Variants in ECH1 observed in about 807,000 individuals in gnomAD.
The protein encoded by ECH1 is enoyl-CoA hydratase 1.
In ECH1, 30 loss-of-function variants were observed where a neutral mutation model predicts 37.0. The ratio of observed to expected loss-of-function variants is 0.81; its 90% CI spans 0.61 to 1.10. The LOEUF is 1.10. ECH1 is among the 50% of genes least tolerant of loss of function. ECH1 has a pLI of 0.00. For synonymous variants in ECH1, 178 were observed against 176.0 expected (o/e 1.01, Z -0.09); for missense variants, 456 against 441.6 (o/e 1.03, Z -0.29).
At chr19:38,822,324 C>A (rs1971675689) in intron 3 of ECH1, among the ~76,000 whole-genome samples, 1 of 151,794 alleles carries the variant, frequency 6.6e-6, no homozygotes, top group Admixed American at 6.6e-5. Context: ...CACTCTGTAT[C>A]TAGCTAATCT....
At chr19:38,816,145 C>G in intron 8 of ECH1, 138 bp from the exon 9 acceptor site, 1 of 1,467,138 alleles carries the variant, frequency 6.8e-7, no homozygotes, top group Non-Finnish European at 9.2e-7. Flanking sequence ...GGGGGCTGAC[C>G]CCACAATAAA....
chr19:38,817,528 C>T lies in ECH1; in HGVS notation c.397G>A (p.Asp133Asn). ...TACCAGCTGATCCGGGCCACATCAT[C>T]TCCTTTGGGCTGCAGGATGTCCGAA... ...MASDILQPKG[D>N]DVARISWYLR... Residue 133 changes from aspartate (D) to asparagine (N), a missense_variant, in exon 4 of 10, where the codon GAT becomes AAT. Transcript: ENST00000221418. 6.2e-7 allele frequency: 1 copy of T among 1,612,518 alleles called. No individual in the cohort carries two copies. Among genetic ancestry groups the T allele is most frequent in the Non-Finnish European group, 8.5e-7 (1 of 1,178,688 alleles).
Position 38,815,950 on chromosome 19 carries a change from C to G in ECH1, c.789G>C (p.Glu263Asp), listed in dbSNP as rs1381171472. 1 of 1,614,152 alleles carries G rather than the reference C, an allele frequency of 6.2e-7. No homozygotes were observed. The highest frequency in any genetic ancestry group is 1.1e-5 in the South Asian group (1 of 91,080). The change falls in exon 9 of 10, where the codon GAG (glutamate) becomes GAC (aspartate). Residue 263 changes from glutamate (E) to aspartate (D), a missense_variant. Glu to Asp is a conservative substitution (Grantham distance 45). Transcript: ENST00000221418. ...MLDAALALAAEISSKSPVAVQ... is the reference protein window; with the variant it reads ...MLDAALALAADISSKSPVAVQ... Reference sequence around the variant, plus strand: ...CCGCCACGGGGCTCTTGCTGGAAATCTCGGCCGCCAGCGCTAAGGCAGCAT... The same window carrying G: ...CCGCCACGGGGCTCTTGCTGGAAATGTCGGCCGCCAGCGCTAAGGCAGCAT...
At chr19:38,825,180 T>C (rs1205809673) in intron 3 of ECH1, among the ~76,000 whole-genome samples, 2 of 152,212 alleles carry the variant, frequency 1.3e-5, no homozygotes, top group Non-Finnish European at 2.9e-5. Flanking sequence ...AATGATAGAA[T>C]GACACCTGAA....
chr19:38,819,377 C>A, intron 3 of ECH1: 1 of 281,268 alleles, frequency 3.6e-6, no homozygotes, highest in Non-Finnish European at 5.4e-6. Flanking sequence ...CCTCCCTGGC[C>A]AACCTGGCTC....
rs1424961160 is a variant in ECH1, at chr19:38,816,024, C to G, written c.732-17G>C. ...AACACCCGGCTGCAGTGAAAGAGAT[C>G]AGGGACCGGGTGGGCTGGGAAGGGC... On this transcript the variant is annotated splice_polypyrimidine_tract_variant and intron_variant, in intron 8 of 9. Coordinates refer to ENST00000221418, the MANE Select transcript of ECH1 (RefSeq NM_001398.3). The G allele has an allele frequency of 1.2e-6, 2 of 1,611,768 alleles. No homozygotes were observed. Among genetic ancestry groups the G allele is most frequent in the East Asian group, 2.2e-5 (1 of 44,872 alleles).
chr19:38,822,699 C>T (rs953644534), intron 3 of ECH1, among the ~76,000 whole-genome samples: 17 of 152,100 alleles, frequency 1.1e-4, no homozygotes, highest in East Asian at 1.9e-4. Context: ...GGATTGTAAA[C>T]GCACCAGTCA....
chr19:38,831,444 GCCT>G lies in ECH1; in HGVS notation c.122_124del (p.Glu41del), dbSNP rs769310083. 6.9e-5 allele frequency: 111 copies of G among 1,613,998 alleles called. No individual in the cohort carries two copies. Among genetic ancestry groups the G allele is most frequent in the South Asian group, 6.8e-4 (62 of 91,080 alleles). ...GGCTTCACCGAGGGCTACTCCGGAA[GCCT>G]CCTCTTGTGCAGAGGAGCCAGTGAG... On this transcript the variant is annotated inframe_deletion, in exon 2 of 10. Transcript: ENST00000221418.
At position 38,816,488 on chromosome 19, in the gene ECH1, T is replaced by A. The variant is rs1971578870; in HGVS notation, c.624A>T (p.Thr208=). 1 of 1,614,002 alleles carries A rather than the reference T, an allele frequency of 6.2e-7. No homozygotes were observed. Among genetic ancestry groups the A allele is most frequent in the Admixed American group, 1.7e-5 (1 of 60,006 alleles). Reference sequence around the variant, plus strand: ...CGATGACCTTGGGCAGGCGCTGCAGTGTTCCTACATCGGCAGCCAAACCCA... The same window carrying A: ...CGATGACCTTGGGCAGGCGCTGCAGAGTTCCTACATCGGCAGCCAAACCCA... ...VDVGLAADVG[T]LQRLPKVIGN... Residue 208 remains threonine (T), a synonymous_variant, in exon 7 of 10, where the codon ACA becomes ACT. Coordinates refer to ENST00000221418, the MANE Select transcript of ECH1 (RefSeq NM_001398.3).
intron 3 of ECH1, among the ~76,000 whole-genome samples, chr19:38,818,901 C>CCG (rs1555721639): frequency 7.5e-6 from 1 of 133,510 alleles, no homozygotes; most frequent in Non-Finnish European, 1.6e-5. Context: ...GCCTCCAACT[C>CCG]TGTGTGTGTG....
intron 3 of ECH1, chr19:38,819,315 T>C (rs1279452806): frequency 4.0e-6 from 3 of 747,088 alleles, no homozygotes; most frequent in Middle Eastern, 7.0e-4. Context: ...AGCCACAGAC[T>C]GACTCCTTCA....
At chr19:38,820,369 AC>A (rs1971645569) in intron 3 of ECH1, 1 of 152,062 alleles carries the variant, frequency 6.6e-6, no homozygotes, top group African/African-American at 2.4e-5. Flanking sequence ...AATCCCCCTT[AC>A]TTTTAACCAG....
rs144583672 is a variant in ECH1 at position 38,825,501 on chromosome 19, T to C, written c.349+5577A>G. 3.4e-3 allele frequency among the ~76,000 whole-genome samples: 518 copies of C among 152,292 alleles called. 3 individuals carry two copies. The highest frequency in any genetic ancestry group is 0.012 in the African/African-American group (479 of 41,558). ...AGTTTATTATCCAATCAGCCGCAGATATCAGGAGAAAGCTCCAAAAGCAAG... is the reference window on the plus strand; with the variant it reads ...AGTTTATTATCCAATCAGCCGCAGACATCAGGAGAAAGCTCCAAAAGCAAG... On this transcript the variant is annotated intron_variant, in intron 3 of 9. Coordinates refer to ENST00000221418, the MANE Select transcript of ECH1 (RefSeq NM_001398.3).
Position 38,816,063 on chromosome 19 carries a change from C to T in ECH1, c.732-56G>A, listed in dbSNP as rs1971570969. 30 of 1,602,614 alleles carry T rather than the reference C, an allele frequency of 1.9e-5. No individual in the cohort carries two copies. The South Asian group carries it at 3.3e-4, about 18-fold the overall frequency. On this transcript the variant is annotated intron_variant, in intron 8 of 9. Transcript: ENST00000221418. ...GCTGGGAAGGGCTCTCTCCTCCAGC[C>T]TCCCGCAGATGAAGAAGTGGCCACT...
Position 38,815,702 on chromosome 19 carries a change from T to C in ECH1, c.898A>G (p.Ser300Gly). ...ACGAGGTCTTGGGTCTGCAGCATGC[T>C]CATGTTCCAGGACGCCTGGTACCGA... ...SLNYVASWNMSMLQTQDLVKS... is the reference protein window; with the variant it reads ...SLNYVASWNMGMLQTQDLVKS... The change falls in exon 10 of 10, where the codon AGC (serine) becomes GGC (glycine). Residue 300 changes from serine to glycine, a missense_variant. By Grantham distance (56) the Ser-to-Gly change is moderately conservative (BLOSUM62 0). Coordinates refer to ENST00000221418, the MANE Select transcript of ECH1 (RefSeq NM_001398.3). 1.2e-6 allele frequency: 2 copies of C among 1,614,142 alleles called. No individual in the cohort carries two copies. The highest frequency in any genetic ancestry group is 1.7e-6 in the Non-Finnish European group (2 of 1,180,030).
intron 3 of ECH1, among the ~76,000 whole-genome samples, chr19:38,825,585 A>G (rs1186276074): frequency 6.6e-6 from 1 of 152,224 alleles, no homozygotes; most frequent in East Asian, 1.9e-4. Flanking sequence ...TCAGTGTTCT[A>G]TAATAGGGAC....
intron 3 of ECH1, among the ~76,000 whole-genome samples, chr19:38,827,948 C>T (rs865975932): frequency 1.7e-4 from 26 of 152,240 alleles, no homozygotes; most frequent in Middle Eastern, 3.4e-3. Flanking sequence ...CAGTGGTTCA[C>T]GCTTGTAGTC....
At position 38,831,267 on chromosome 19, in the gene ECH1, GCCTCC is replaced by G. The variant is rs757444639; in HGVS notation, c.260+37_260+41del. The G allele has an allele frequency of 4.4e-6, 7 of 1,606,060 alleles. No homozygotes were observed. In the East Asian group the frequency reaches 1.6e-4, roughly 36 times the overall value. On this transcript the variant is annotated intron_variant, in intron 2 of 9. Transcript: ENST00000221418. ...CACTTTCACCCAGTCCCGCAGCCCC[GCCTCC>G]CCCCGCAGGCAGGCCTCCAGGATCT... is the stretch of plus-strand genomic sequence containing the variant.
At chr19:38,818,477 T>G (rs1285081992) in intron 3 of ECH1, 1 of 719,654 alleles carries the variant, frequency 1.4e-6, no homozygotes, top group African/African-American at 1.9e-5. Flanking sequence ...GGTCAGATCC[T>G]CTTTTTTTTT....
Sources: allele counts gnomAD v4.1 joint callset (sites outside exome capture counted in the v4.1 genomes callset), GRCh38; gene constraint gnomAD v4.1.1; transcripts MANE v1.5; gene names NCBI Gene and HGNC (gene_info 2026-07-23, HGNC 2026-07-21).